USP9Y: variants seen among roughly 807,000 people sequenced by gnomAD.
USP9Y encodes the protein ubiquitin carboxyl-terminal hydrolase 9Y.
USP9Y carries 41 observed loss-of-function variants against 53.1 expected under a neutral mutation model. That is an observed-to-expected ratio of 0.77 (90% CI 0.60 to 1.00). The LOEUF is 1.00. USP9Y is among the 50% of genes least tolerant of loss of function. The pLI, the probability that USP9Y is intolerant of heterozygous loss-of-function variation, is 0.00. For missense variants in USP9Y, 567 were observed against 535.8 expected, an observed-to-expected ratio of 1.06 and a Z score of -0.58; for synonymous variants, 220 against 173.7, an observed-to-expected ratio of 1.27 and a Z score of -2.09.
At position 12,757,300 on chromosome Y, in the gene USP9Y, C is replaced by G; in HGVS notation, c.1531C>G (p.Leu511Val). 5 of 398,314 alleles carry G rather than the reference C, an allele frequency of 1.3e-5. No individual in the cohort carries two copies. The highest frequency in any genetic ancestry group is 1.8e-5 in the Non-Finnish European group (5 of 283,430). Residue 511 changes from leucine (L) to valine (V), a missense_variant, in exon 13 of 46, where the codon CTT becomes GTT. Physicochemically the swap from Leu to Val is conservative, Grantham distance 32. Coordinates refer to ENST00000338981, the MANE Select transcript of USP9Y (RefSeq NM_004654.4). ...TGTGATGGCACACAAAGTGTTGAACCTTCTTTGGAACCTGGCTCAGAGTGA... is the reference window on the plus strand; with the variant it reads ...TGTGATGGCACACAAAGTGTTGAACGTTCTTTGGAACCTGGCTCAGAGTGA... The part of the protein sequence containing the change: ...DGVMAHKVLN[L>V]LWNLAQSDDV...
At chrY:12,798,376 G>A in intron 27 of USP9Y, among the ~76,000 whole-genome samples, 1 of 33,525 alleles carries the variant, frequency 3.0e-5, no homozygotes, top group African/African-American at 1.2e-4. Flanking sequence ...AAGACTGAGG[G>A]ATGGAGTTTT....
At chrY:12,707,348 A>G (rs771405850) in intron 1 of USP9Y, among the ~76,000 whole-genome samples, 20 of 33,407 alleles carry the variant, frequency 6.0e-4, no homozygotes, top group African/African-American at 2.1e-3. Context: ...AACTCCCAAC[A>G]TCTGGTGATC....
chrY:12,810,648 T>C (rs34442126), intron 28 of USP9Y, 24 bp from the exon 29 acceptor site: 13,719 of 388,602 alleles, frequency 0.035, no homozygotes, highest in Non-Finnish European at 9.6e-3. Context: ...TGTGAATTCA[T>C]GTTGTTTTAA....
At chrY:12,818,771 A>G (rs2053538506) in intron 33 of USP9Y, among the ~76,000 whole-genome samples, 161 bp downstream of exon 33, 1 of 33,999 alleles carries the variant, frequency 2.9e-5, no homozygotes, top group Admixed American at 2.7e-4. Flanking sequence ...TATTTTCCCA[A>G]TAGAATGTTT....
chrY:12,826,607 G>GA (rs2053546360), intron 33 of USP9Y, among the ~76,000 whole-genome samples: 1 of 14,363 alleles, frequency 7.0e-5, no homozygotes, highest in Admixed American at 7.0e-4. Flanking sequence ...AAATGAAAAA[G>GA]AAAAAAAAAG....
At chrY:12,749,627 TC>T (rs2053462616) in intron 12 of USP9Y, among the ~76,000 whole-genome samples, 1 of 33,728 alleles carries the variant, frequency 3.0e-5, no homozygotes, top group Non-Finnish European at 7.4e-5. Context: ...TTTACTTTTT[TC>T]ATGTGAATAT....
At position 12,738,196 on chromosome Y, in the gene USP9Y, C is replaced by T; in HGVS notation, c.1204C>T (p.Gln402Ter). The T allele has an allele frequency of 2.5e-6, 1 of 394,840 alleles. No homozygotes were observed. Among genetic ancestry groups the T allele is most frequent in the South Asian group, 3.0e-5 (1 of 33,031 alleles). The stretch of plus-strand genomic sequence containing the variant: ...AAATAATATCTTATCCATAGTCTTG[C>T]AAGACAGTCTTCATCAACCACAATA... ...QQNNILSIVL[Q>*]DSLHQPQYVE... The change falls in exon 11 of 46, where the codon CAA (glutamine) becomes TAA (stop). Residue 402 changes from glutamine to a stop codon, truncating the protein, a stop_gained. Coordinates refer to ENST00000338981, the MANE Select transcript of USP9Y (RefSeq NM_004654.4). LOFTEE classifies it high-confidence loss of function.
chrY:12,767,604 ATCTG>A, intron 15 of USP9Y, among the ~76,000 whole-genome samples: 10 of 29,557 alleles, frequency 3.4e-4, no homozygotes, highest in Non-Finnish European at 6.4e-4. Context: ...GAGTGTGTGT[ATCTG>A]TGTGTGTGTG....
chrY:12,731,597 A>C, intron 7 of USP9Y, among the ~76,000 whole-genome samples: 1 of 33,718 alleles, frequency 3.0e-5, no homozygotes, highest in African/African-American at 1.2e-4. Flanking sequence ...TAAAAAGTGG[A>C]GTTATTAGAC....
At chrY:12,727,681 C>T in intron 7 of USP9Y, among the ~76,000 whole-genome samples, 1 of 32,895 alleles carries the variant, frequency 3.0e-5, no homozygotes, top group Non-Finnish European at 7.5e-5. Context: ...GTGGCTTTAG[C>T]AAGTATACTG....
At chrY:12,793,862 A>G (rs2053510847) in intron 27 of USP9Y, among the ~76,000 whole-genome samples, 1 of 33,070 alleles carries the variant, frequency 3.0e-5, no homozygotes. Flanking sequence ...ACTCTCTCAT[A>G]TGTGTATACT....
chrY:12,782,248 T>A, intron 22 of USP9Y, among the ~76,000 whole-genome samples: 1 of 32,800 alleles, frequency 3.0e-5, no homozygotes, highest in East Asian at 8.2e-4. Flanking sequence ...CCAGGCTGGG[T>A]CTTAAGCTCC....
In USP9Y at chrY:12,811,121, T is replaced by G. The variant is rs969229680; in HGVS notation, c.4239+303T>G. Among the ~76,000 whole-genome samples the G allele has an allele frequency of 8.9e-5, 3 of 33,769 alleles. No homozygotes were observed. In the East Asian group the frequency reaches 2.3e-3, roughly 26 times the overall value. 90.6% of individuals were successfully genotyped at this position (33,769 alleles called of 37,273 possible). ...GCTTCTTGGCCTTTTTTGGGGAAAT[T>G]ATCACATTTGAAGACTTTTTAAAAA... On this transcript the variant is annotated intron_variant, in intron 29 of 45. Transcript: ENST00000338981.
At chrY:12,809,217 G>A in intron 27 of USP9Y, among the ~76,000 whole-genome samples, 1 of 33,287 alleles carries the variant, frequency 3.0e-5, no homozygotes, top group Non-Finnish European at 7.4e-5. Context: ...GATTGGTAAG[G>A]TTGTTACTGG....
At chrY:12,788,463 G>C in intron 24 of USP9Y, among the ~76,000 whole-genome samples, 1 of 33,567 alleles carries the variant, frequency 3.0e-5, no homozygotes, top group South Asian at 6.5e-4. Flanking sequence ...TATGTACTTA[G>C]TACCTAGTAT....
At chrY:12,854,605 T>C in intron 42 of USP9Y, among the ~76,000 whole-genome samples, 1 of 33,128 alleles carries the variant, frequency 3.0e-5, no homozygotes, top group Non-Finnish European at 7.4e-5. Context: ...GGTTTCACCA[T>C]GTTGGCCAGG....
At position 12,757,318 on chromosome Y, in the gene USP9Y, C is replaced by G; in HGVS notation, c.1549C>G (p.Gln517Glu). The G allele has an allele frequency of 5.0e-6, 2 of 398,217 alleles. No individual in the cohort carries two copies. Among genetic ancestry groups the G allele is most frequent in the Non-Finnish European group, 7.1e-6 (2 of 283,405 alleles). The change falls in exon 13 of 46, where the codon CAG (glutamine) becomes GAG (glutamate). Residue 517 changes from glutamine to glutamate, a missense_variant. By Grantham distance (29) the Gln-to-Glu change is conservative. Coordinates refer to ENST00000338981, the MANE Select transcript of USP9Y (RefSeq NM_004654.4). ...GTTGAACCTTCTTTGGAACCTGGCT[C>G]AGAGTGATGATGTGCCTGTAGACAT... ...KVLNLLWNLA[Q>E]SDDVPVDIMD... is the part of the protein sequence containing the mutation.
chrY:12,758,574 G>T lies in USP9Y; in HGVS notation c.1698G>T (p.Trp566Cys). 1 of 384,277 alleles carries T rather than the reference G, an allele frequency of 2.6e-6. No individual in the cohort carries two copies. The highest frequency in any genetic ancestry group is 3.7e-6 in the Non-Finnish European group (1 of 273,190). The change falls in exon 14 of 46, where the codon TGG (tryptophan) becomes TGT (cysteine). Residue 566 changes from tryptophan to cysteine, a missense_variant. Transcript: ENST00000338981. ...AAGAACTTCGCACAAATGACAAGTG[G>T]GTAATTCCTGCTCTGAAACAAATAA... ...FIEELRTNDK[W>C]VIPALKQIRE...
chrY:12,828,633 T>C (rs2053548610), intron 33 of USP9Y, among the ~76,000 whole-genome samples: 2 of 32,802 alleles, frequency 6.1e-5, no homozygotes, highest in South Asian at 6.7e-4. Flanking sequence ...TATCGTGTGA[T>C]TGTATTAGTA....
Sources: gnomAD v4.1 joint callset for allele counts (sites outside exome capture counted in the v4.1 genomes callset) on GRCh38, gnomAD v4.1.1 for gene constraint, MANE v1.5 for transcripts, NCBI Gene and HGNC (gene_info 2026-07-23, HGNC 2026-07-21) for gene names.